The following EPHA4 variants were observed in gnomAD, a reference collection of about 807,000 sequenced individuals.
EPHA4 encodes the protein EPH receptor A4, also known as ephrin type-A receptor 4.
In EPHA4, 19 loss-of-function variants were observed where a neutral mutation model predicts 108.3. The observed-to-expected ratio is 0.18, with a 90% CI of 0.12 to 0.26. The LOEUF (loss-of-function observed/expected upper bound fraction) is 0.26. Ranked by LOEUF, EPHA4 falls within the 10% of genes least tolerant of loss-of-function variation. The pLI, the probability that EPHA4 is intolerant of heterozygous loss-of-function variation, is 1.00. For missense variants in EPHA4, 917 were observed against 1,254.0 expected (o/e 0.73, Z 4.06); for synonymous variants, 449 against 455.5 (o/e 0.99, Z 0.18).
intron 3 of EPHA4, among the ~76,000 whole-genome samples, chr2:221,536,718 TGTGCTGAAA>T (rs1693681945): frequency 6.6e-6 from 1 of 152,204 alleles, no homozygotes; most frequent in South Asian, 2.1e-4. Flanking sequence ...ACAACAAAGA[TGTGCTGAAA>T]AGCAGCCCAG....
chr2:221,466,175 G>A (rs950398450), intron 5 of EPHA4, among the ~76,000 whole-genome samples: 1 of 152,206 alleles, frequency 6.6e-6, no homozygotes, highest in Non-Finnish European at 1.5e-5. Flanking sequence ...CGGCAGAATC[G>A]CAAAACACTG....
At position 221,442,809 on chromosome 2, in the gene EPHA4, A is replaced by G. The variant is rs1360552685; in HGVS notation, c.2074+20T>C. On this transcript the variant is annotated intron_variant, in intron 11 of 17. Coordinates refer to ENST00000281821, the MANE Select transcript of EPHA4 (RefSeq NM_004438.5). ...CCAGTAACTTCTAGCTTGGCTTTGT[A>G]AAGGGGGTGACCCACGTACATTTAG... 14 of 1,612,738 alleles carry G rather than the reference A, an allele frequency of 8.7e-6. No individual in the cohort carries two copies. Among genetic ancestry groups the G allele is most frequent in the Non-Finnish European group, 1.2e-5 (14 of 1,179,064 alleles).
At chr2:221,565,131 T>C (rs1694590886) in intron 2 of EPHA4, among the ~76,000 whole-genome samples, 1 of 152,096 alleles carries the variant, frequency 6.6e-6, no homozygotes, top group Non-Finnish European at 1.5e-5. Flanking sequence ...ATAACAAAAC[T>C]AGAAAACAGA....
rs1016568439 is a variant in EPHA4 at position 221,511,221 on chromosome 2, G to T, written c.824-10049C>A. Among the ~76,000 whole-genome samples, 5 of 152,138 alleles carry T rather than the reference G, an allele frequency of 3.3e-5. No individual in the cohort carries two copies. The East Asian group carries it at 7.7e-4, about 23-fold the overall frequency. On this transcript the variant is annotated intron_variant, in intron 3 of 17. Transcript: ENST00000281821. ...GATCATTGCAGTTTTCCCTGTTAAA[G>T]TGAACTAAAAACGGCCTCAGAACGA...
At chr2:221,439,991 A>G (rs554094965) in intron 11 of EPHA4, among the ~76,000 whole-genome samples, 1 of 152,042 alleles carries the variant, frequency 6.6e-6, no homozygotes, top group Admixed American at 6.5e-5. Context: ...TCTGCATTCC[A>G]TTTTCTGTTT....
intron 3 of EPHA4, among the ~76,000 whole-genome samples, chr2:221,525,003 G>A (rs1240517441): frequency 6.6e-6 from 1 of 151,322 alleles, no homozygotes; most frequent in Non-Finnish European, 1.5e-5. Flanking sequence ...AAAAAAAGAG[G>A]CAATTTTTAT....
chr2:221,545,313 C>T (rs1284153209), intron 3 of EPHA4, among the ~76,000 whole-genome samples: 2 of 151,956 alleles, frequency 1.3e-5, no homozygotes, highest in Non-Finnish European at 2.9e-5. Flanking sequence ...ACTAAAAACA[C>T]AAAAAATTAG....
intron 3 of EPHA4, among the ~76,000 whole-genome samples, chr2:221,547,587 A>C (rs1383595908): frequency 6.6e-6 from 1 of 152,230 alleles, no homozygotes; most frequent in Non-Finnish European, 1.5e-5. Flanking sequence ...AAAATAACAC[A>C]AGGGCCACCC....
At chr2:221,491,188 G>A (rs903537544) in intron 4 of EPHA4, among the ~76,000 whole-genome samples, 1 of 151,976 alleles carries the variant, frequency 6.6e-6, no homozygotes, top group African/African-American at 2.4e-5. Flanking sequence ...AGGATGACTT[G>A]TTTATGGCTG....
At chr2:221,445,486 A>G (rs1422541307) in intron 9 of EPHA4, among the ~76,000 whole-genome samples, 2 of 150,006 alleles carry the variant, frequency 1.3e-5, no homozygotes, top group Non-Finnish European at 3.0e-5. Flanking sequence ...GCTACTCAGG[A>G]GGCTGAGGTG....
intron 5 of EPHA4, 134 bp from the exon 6 acceptor site, chr2:221,458,124 T>C (rs1691020524): frequency 3.7e-6 from 4 of 1,069,918 alleles, no homozygotes; most frequent in Middle Eastern, 2.9e-4. Flanking sequence ...ACCATTTTAC[T>C]CTTCAGTATA....
In EPHA4 at chr2:221,500,368, G is replaced by C. The variant is rs145212938; in HGVS notation, c.979+649C>G. ...TCACAGCCATTGTAGGGTCTGTGAA[G>C]GCCCAAGTGTACATGAAAGGAATGG... On this transcript the variant is annotated intron_variant, in intron 4 of 17. Coordinates refer to ENST00000281821, the MANE Select transcript of EPHA4 (RefSeq NM_004438.5). 1.7e-3 allele frequency among the ~76,000 whole-genome samples: 255 copies of C among 152,282 alleles called. 1 individual carries two copies. The highest frequency in any genetic ancestry group is 6.0e-3 in the African/African-American group (249 of 41,566).
At chr2:221,489,354 G>A (rs750979856) in intron 4 of EPHA4, among the ~76,000 whole-genome samples, 1 of 152,200 alleles carries the variant, frequency 6.6e-6, no homozygotes, top group Non-Finnish European at 1.5e-5. Context: ...TTCTCGTAAC[G>A]ACTGGAATTA....
chr2:221,484,626 G>C (rs1000520473), intron 4 of EPHA4, among the ~76,000 whole-genome samples: 4 of 152,152 alleles, frequency 2.6e-5, no homozygotes, highest in African/African-American at 9.7e-5. Flanking sequence ...AATGACAAAT[G>C]AATGCTTTTT....
chr2:221,526,634 G>T (rs1223729730), intron 3 of EPHA4, among the ~76,000 whole-genome samples: 1 of 151,644 alleles, frequency 6.6e-6, no homozygotes, highest in Non-Finnish European at 1.5e-5. Flanking sequence ...GTCTCTTGAG[G>T]TCAGGAGTTC....
At chr2:221,452,892 A>G (rs562399627) in intron 8 of EPHA4, among the ~76,000 whole-genome samples, 13 of 152,122 alleles carry the variant, frequency 8.5e-5, no homozygotes, top group Non-Finnish European at 1.6e-4. Flanking sequence ...TAAGGATGCT[A>G]TTTTCCGTAG....
chr2:221,540,810 T>C (rs1283847709), intron 3 of EPHA4, among the ~76,000 whole-genome samples: 1 of 152,168 alleles, frequency 6.6e-6, no homozygotes, highest in Admixed American at 6.6e-5. Flanking sequence ...CTGTACAGGC[T>C]TGTCGAAACC....
rs146023474 is a variant in EPHA4 at position 221,467,492 on chromosome 2, A to G, written c.1319-9502T>C. Reference sequence around the variant, plus strand: ...TGAAAGATGTAAGGTTTTGCAAATTAGAGCTTTTGCAACTTTTTAATCATT... The same window carrying G: ...TGAAAGATGTAAGGTTTTGCAAATTGGAGCTTTTGCAACTTTTTAATCATT... On this transcript the variant is annotated intron_variant, in intron 5 of 17. Coordinates refer to ENST00000281821, the MANE Select transcript of EPHA4 (RefSeq NM_004438.5). 2.4e-3 allele frequency among the ~76,000 whole-genome samples: 365 copies of G among 152,374 alleles called. 1 individual carries two copies. The highest frequency in any genetic ancestry group is 8.2e-3 in the African/African-American group (339 of 41,594).
chr2:221,501,264 G>T (rs1692481729), intron 3 of EPHA4, 92 bp from the exon 4 acceptor site: 3 of 1,174,942 alleles, frequency 2.6e-6, no homozygotes, highest in Admixed American at 6.0e-5. Flanking sequence ...TCAGAAGAAG[G>T]GAGACGTTCT....
Sources: gnomAD v4.1 joint callset for allele counts (sites outside exome capture counted in the v4.1 genomes callset) on GRCh38, gnomAD v4.1.1 for gene constraint, MANE v1.5 for transcripts, NCBI Gene and HGNC (gene_info 2026-07-23, HGNC 2026-07-21) for gene names.